Variants in CSMD1 observed in about 807,000 individuals in gnomAD.
The protein encoded by CSMD1 is CUB and sushi domain-containing protein 1.
In CSMD1, 213 loss-of-function variants were observed where a neutral mutation model predicts 417.5. The ratio of observed to expected loss-of-function variants is 0.51; its 90% confidence interval spans 0.46 to 0.57. CSMD1 has a LOEUF of 0.57. Ranked by LOEUF, CSMD1 falls within the 20% of genes least tolerant of loss-of-function variation. CSMD1 has a pLI of 0.00. For synonymous variants in CSMD1, 2,862 were observed against 1,736.8 expected (o/e 1.65, Z -16.11); for missense variants, 6,923 against 4,529.7 (o/e 1.53, Z -15.17).
At chr8:4,357,694 C>G (rs1209098783) in intron 3 of CSMD1, among the ~76,000 whole-genome samples, 3 of 151,666 alleles carry the variant, frequency 2.0e-5, no homozygotes, top group African/African-American at 7.3e-5. Context: ...AAAAACTTAA[C>G]AAATAATCAG....
At chr8:4,954,431 A>C (rs12543601) in intron 1 of CSMD1, among the ~76,000 whole-genome samples, 25,266 of 152,218 alleles carry the variant, frequency 0.17, 2,740 homozygotes, top group Non-Finnish European at 0.24. Context: ...AATGCTGTGC[A>C]CAATTGTATA....
At chr8:4,121,067 G>A (rs946746594) in intron 3 of CSMD1, among the ~76,000 whole-genome samples, 11 of 151,770 alleles carry the variant, frequency 7.2e-5, no homozygotes, top group African/African-American at 2.2e-4. Flanking sequence ...TTCTGACTGG[G>A]TCTGTTTGTC....
In CSMD1 at chr8:3,202,668, G is replaced by T. The variant is rs77874931; in HGVS notation, c.4985-943C>A. Among the ~76,000 whole-genome samples the T allele has an allele frequency of 3.0e-3, 457 of 152,298 alleles. 19 individuals carry two copies. The East Asian group carries it at 0.075, about 25-fold the overall frequency. The stretch of plus-strand genomic sequence containing the variant: ...TTATAAACAAGAAATGGAGGTGTGT[G>T]CACTAGTTGTGTGTGTCAGAATTCC... On this transcript the variant is annotated intron_variant, in intron 31 of 69. Transcript: ENST00000635120.
At chr8:3,703,818 C>T (rs760961717) in intron 7 of CSMD1, among the ~76,000 whole-genome samples, 5 of 152,138 alleles carry the variant, frequency 3.3e-5, no homozygotes, top group Non-Finnish European at 5.9e-5. Flanking sequence ...TGACTGTAAT[C>T]CCAGCACTTA....
At chr8:3,975,628 G>A (rs933553388) in intron 5 of CSMD1, among the ~76,000 whole-genome samples, 1 of 152,130 alleles carries the variant, frequency 6.6e-6, no homozygotes, top group Admixed American at 6.6e-5. Context: ...TGACTAAAGT[G>A]CCTGTAGGTG....
intron 6 of CSMD1, among the ~76,000 whole-genome samples, chr8:3,710,197 CA>C (rs780743566): frequency 9.2e-4 from 140 of 151,786 alleles, no homozygotes; most frequent in Non-Finnish European, 1.3e-3. Flanking sequence ...CGCAAATTTC[CA>C]AAAAATGCTT....
intron 7 of CSMD1, among the ~76,000 whole-genome samples, chr8:3,706,689 A>C (rs1043571313): frequency 6.6e-6 from 1 of 152,112 alleles, no homozygotes; most frequent in African/African-American, 2.4e-5. Flanking sequence ...ATATTGATTT[A>C]ATGTAAGAGT....
intron 67 of CSMD1, 101 bp from the exon 68 acceptor site, chr8:2,949,487 AT>A: frequency 1.8e-6 from 1 of 545,764 alleles, no homozygotes. Context: ...TATATCTCAT[AT>A]TTAGATACTA....
chr8:3,738,501 C>T (rs1274720003), intron 6 of CSMD1, among the ~76,000 whole-genome samples: 1 of 152,088 alleles, frequency 6.6e-6, no homozygotes, highest in Non-Finnish European at 1.5e-5. Context: ...GAGTTTTGAT[C>T]CTGGTGATCA....
chr8:4,383,058 G>T (rs7001270), intron 3 of CSMD1, among the ~76,000 whole-genome samples: 27,049 of 152,038 alleles, frequency 0.18, 3,092 homozygotes, highest in African/African-American at 0.32. Context: ...ATTAGGATTC[G>T]GGAGTAATAG....
At chr8:3,886,964 T>A (rs1806606708) in intron 5 of CSMD1, among the ~76,000 whole-genome samples, 1 of 152,174 alleles carries the variant, frequency 6.6e-6, no homozygotes, top group Non-Finnish European at 1.5e-5. Flanking sequence ...TGTCTTCAGA[T>A]AAATGCATTA....
intron 3 of CSMD1, among the ~76,000 whole-genome samples, chr8:4,065,894 C>G (rs1488373449): frequency 6.6e-6 from 1 of 152,052 alleles, no homozygotes; most frequent in Non-Finnish European, 1.5e-5. Flanking sequence ...AAAGACTGCT[C>G]AAAGAAGAAC....
At chr8:3,030,124 A>G (rs1810243791) in intron 50 of CSMD1, among the ~76,000 whole-genome samples, 1 of 152,106 alleles carries the variant, frequency 6.6e-6, no homozygotes, top group Non-Finnish European at 1.5e-5. Flanking sequence ...TATAGCAGTT[A>G]CTTAAGAAAG....
chr8:4,158,987 C>T (rs752971300), intron 3 of CSMD1, among the ~76,000 whole-genome samples: 8 of 152,174 alleles, frequency 5.3e-5, no homozygotes, highest in Non-Finnish European at 8.8e-5. Context: ...ACAATCTCAG[C>T]TCACCACAAC....
rs987517382 is a variant in CSMD1 at position 3,725,573 on chromosome 8, T to C, written c.932-17082A>G. Among the ~76,000 whole-genome samples the C allele has an allele frequency of 2.6e-5, 4 of 151,840 alleles. No homozygotes were observed. The East Asian group carries it at 7.8e-4, about 29-fold the overall frequency. On this transcript the variant is annotated intron_variant, in intron 6 of 69. Transcript: ENST00000635120. ...AGCTGCTTGTATTAAGTAGAAACAG[T>C]TGAGGAGAGAGGAAGCCTGATGGCT...
chr8:4,523,734 G>C (rs957204468), intron 2 of CSMD1, among the ~76,000 whole-genome samples: 3 of 152,148 alleles, frequency 2.0e-5, no homozygotes, highest in African/African-American at 4.8e-5. Flanking sequence ...TGGAGTTCTT[G>C]TAGGAAATAA....
intron 3 of CSMD1, among the ~76,000 whole-genome samples, chr8:4,347,036 C>G (rs375681489): frequency 1.3e-5 from 2 of 152,102 alleles, no homozygotes; most frequent in East Asian, 3.9e-4. Context: ...TTTATTATTT[C>G]CTCTAATTAT....
chr8:4,447,694 A>T (rs909362690), intron 2 of CSMD1, among the ~76,000 whole-genome samples: 1 of 152,214 alleles, frequency 6.6e-6, no homozygotes, highest in African/African-American at 2.4e-5. Flanking sequence ...CTTGTTTTAG[A>T]AAGTGCACTC....
intron 7 of CSMD1, among the ~76,000 whole-genome samples, chr8:3,663,706 C>T (rs570077379): frequency 6.6e-6 from 1 of 152,284 alleles, no homozygotes; most frequent in Non-Finnish European, 1.5e-5. Context: ...CTGCTTCCAG[C>T]CGTTCTGCCC....
Sources: gnomAD v4.1 joint callset for allele counts (sites outside exome capture counted in the v4.1 genomes callset) on GRCh38, gnomAD v4.1.1 for gene constraint, MANE v1.5 for transcripts, NCBI Gene and HGNC (gene_info 2026-07-23, HGNC 2026-07-21) for gene names.